Variants in HMCN1 observed in about 807,000 individuals in gnomAD.
HMCN1 encodes hemicentin-1.
Under a neutral mutation model 625.9 loss-of-function variants are expected in HMCN1, and 321 were observed. The ratio of observed to expected loss-of-function variants is 0.51; its 90% CI spans 0.47 to 0.56. The LOEUF is 0.56. Ranked by LOEUF, HMCN1 falls within the 20% of genes least tolerant of loss-of-function variation. The pLI, the probability that HMCN1 is intolerant of heterozygous loss-of-function variation, is 0.00. For synonymous variants in HMCN1, 2,425 were observed against 2,417.6 expected, an observed-to-expected ratio of 1.00 and a Z score of -0.09; for missense variants, 6,588 against 6,887.3, an observed-to-expected ratio of 0.96 and a Z score of 1.54.
chr1:186,039,679 C>T, intron 38 of HMCN1, 49 bp from the exon 39 acceptor site: 5 of 1,586,548 alleles, frequency 3.2e-6, no homozygotes, highest in Middle Eastern at 1.7e-4. Context: ...CATTTGAGAT[C>T]ACAAATCCTG....
intron 63 of HMCN1, 36 bp from the exon 64 acceptor site, chr1:186,090,722 G>A: frequency 6.2e-7 from 1 of 1,607,724 alleles, no homozygotes; most frequent in Non-Finnish European, 8.5e-7. Context: ...TATATCCTGT[G>A]TCTTGTTAAT....
At chr1:185,945,422 C>CA (rs535311334) in intron 11 of HMCN1, among the ~76,000 whole-genome samples, 44 of 151,554 alleles carry the variant, frequency 2.9e-4, no homozygotes, top group Non-Finnish European at 4.4e-4. Context: ...TATTTATTCA[C>CA]AAAAAAAATT....
At chr1:185,796,264 T>C (rs1658367094) in intron 1 of HMCN1, among the ~76,000 whole-genome samples, 1 of 152,174 alleles carries the variant, frequency 6.6e-6, no homozygotes, top group Non-Finnish European at 1.5e-5. Flanking sequence ...TAGGAGAATC[T>C]AATTCCCTCA....
chr1:185,940,592 C>G (rs1668030535), intron 11 of HMCN1, among the ~76,000 whole-genome samples: 1 of 152,154 alleles, frequency 6.6e-6, no homozygotes, highest in Non-Finnish European at 1.5e-5. Context: ...CCTTTGCCTT[C>G]AAAGAATATT....
chr1:186,189,946 A>T lies in HMCN1; in HGVS notation c.*68A>T. The T allele has an allele frequency of 6.4e-7, 1 of 1,567,244 alleles. No homozygotes were observed. Among genetic ancestry groups the T allele is most frequent in the Non-Finnish European group, 8.7e-7 (1 of 1,145,458 alleles). On this transcript the variant is annotated 3_prime_UTR_variant, in exon 107 of 107. Coordinates refer to ENST00000271588, the MANE Select transcript of HMCN1 (RefSeq NM_031935.3). ...TCATGGCAATCAAGCCCCCTTCCAG[A>T]TTACTGTCTCTTGAACAGTTGCAAT... is the stretch of plus-strand genomic sequence containing the variant.
chr1:185,946,217 A>C (rs1030798098), intron 11 of HMCN1, among the ~76,000 whole-genome samples: 1 of 152,218 alleles, frequency 6.6e-6, no homozygotes, highest in Non-Finnish European at 1.5e-5. Flanking sequence ...TTATCTATCA[A>C]CATACGTTAA....
At chr1:185,949,303 T>G (rs1668518100) in intron 11 of HMCN1, among the ~76,000 whole-genome samples, 1 of 151,152 alleles carries the variant, frequency 6.6e-6, no homozygotes, top group African/African-American at 2.4e-5. Flanking sequence ...GATGACAAGT[T>G]TTTTTGGGCA....
intron 1 of HMCN1, among the ~76,000 whole-genome samples, chr1:185,781,091 C>T (rs1657060351): frequency 6.6e-6 from 1 of 152,150 alleles, no homozygotes; most frequent in Non-Finnish European, 1.5e-5. Context: ...TTGTATGTGT[C>T]CAGGAATGTA....
intron 1 of HMCN1, among the ~76,000 whole-genome samples, chr1:185,750,551 T>C (rs1255814600): frequency 1.3e-5 from 2 of 152,174 alleles, no homozygotes; most frequent in Non-Finnish European, 2.9e-5. Context: ...TCATTTTATC[T>C]TTAAATATAT....
intron 1 of HMCN1, among the ~76,000 whole-genome samples, chr1:185,799,127 G>GT (rs1296171960): frequency 6.6e-6 from 1 of 152,126 alleles, no homozygotes; most frequent in Non-Finnish European, 1.5e-5. Context: ...GCAAAGTATC[G>GT]TATAAGTTCC....
intron 11 of HMCN1, among the ~76,000 whole-genome samples, chr1:185,951,221 T>C (rs1208112873): frequency 6.6e-6 from 1 of 151,064 alleles, no homozygotes; most frequent in African/African-American, 2.5e-5. Flanking sequence ...ATAGCTGTAG[T>C]CCAGGAATAG....
At chr1:186,139,597 G>GT (rs74329100) in intron 89 of HMCN1, among the ~76,000 whole-genome samples, 4,312 of 130,316 alleles carry the variant, frequency 0.033, 161 homozygotes, top group African/African-American at 0.1. Context: ...CTATTGGCTT[G>GT]TTTTTTTTTT....
At chr1:185,793,830 C>T (rs1658165898) in intron 1 of HMCN1, among the ~76,000 whole-genome samples, 1 of 152,088 alleles carries the variant, frequency 6.6e-6, no homozygotes, top group Admixed American at 6.6e-5. Flanking sequence ...AAAAGTCATA[C>T]CGCTTAGTTG....
At chr1:186,189,420 G>A in intron 106 of HMCN1, 92 bp from the exon 107 acceptor site, 1 of 1,418,862 alleles carries the variant, frequency 7.0e-7, no homozygotes, top group Non-Finnish European at 9.9e-7. Context: ...TGCATGCAGT[G>A]CCTAAAAGTT....
chr1:185,845,287 G>A (rs1023869478), intron 1 of HMCN1, among the ~76,000 whole-genome samples: 7 of 151,842 alleles, frequency 4.6e-5, no homozygotes, highest in East Asian at 1.9e-4. Context: ...GCATGAACTC[G>A]GCTCACTGCA....
Position 186,119,761 on chromosome 1 carries a change from G to A in HMCN1, c.11973G>A (p.Gln3991=). The A allele has an allele frequency of 1.9e-6, 3 of 1,613,902 alleles. No individual in the cohort carries two copies. Among genetic ancestry groups the A allele is most frequent in the Non-Finnish European group, 1.7e-6 (2 of 1,179,896 alleles). The change falls in exon 79 of 107, where the codon CAG becomes CAA. Residue 3991 remains glutamine (Q), a synonymous_variant. Coordinates refer to ENST00000271588, the MANE Select transcript of HMCN1 (RefSeq NM_031935.3). ...TLHVHEPPVI[Q]PQPSELHVIL... ...TTTTTATAGAGCCTCCAGTCATTCAGCCCCAACCAAGTGAACTACACGTCA... is the reference window on the plus strand; with the variant it reads ...TTTTTATAGAGCCTCCAGTCATTCAACCCCAACCAAGTGAACTACACGTCA...
At chr1:185,949,147 A>G (rs1668508630) in intron 11 of HMCN1, among the ~76,000 whole-genome samples, 1 of 151,928 alleles carries the variant, frequency 6.6e-6, no homozygotes, top group Non-Finnish European at 1.5e-5. Context: ...TCAAGAGTTA[A>G]GAGTGGCAGT....
intron 28 of HMCN1, 103 bp from the exon 29 acceptor site, chr1:186,003,615 A>G (rs1653338600): frequency 1.1e-5 from 12 of 1,079,884 alleles, no homozygotes; most frequent in Non-Finnish European, 1.6e-5. Context: ...TTTGACATTA[A>G]GATCTTGTTG....
intron 40 of HMCN1, among the ~76,000 whole-genome samples, chr1:186,042,102 A>G (rs1402889310): frequency 2.0e-5 from 3 of 152,124 alleles, no homozygotes; most frequent in Non-Finnish European, 4.4e-5. Context: ...ATGAAAGTAA[A>G]AGTTTTAGTT....
Sources: allele counts gnomAD v4.1 joint callset (sites outside exome capture counted in the v4.1 genomes callset), GRCh38; gene constraint gnomAD v4.1.1; transcripts MANE v1.5; gene names NCBI Gene and HGNC (gene_info 2026-07-23, HGNC 2026-07-21).